CIROZ: variants seen among roughly 807,000 people sequenced by gnomAD.
CIROZ encodes the protein ciliated left-right organizer protein containing ZP-N domains.
chr1:10,949,524 G>T, the CIROZ span: 10 of 1,319,882 alleles, frequency 7.6e-6, no homozygotes, highest in Admixed American at 1.8e-4. Flanking sequence ...GAATGGTGGT[G>T]AAAGAGAAGG....
the CIROZ span, among the ~76,000 whole-genome samples, chr1:10,962,730 A>G: frequency 4.6e-5 from 7 of 152,306 alleles, no homozygotes; most frequent in East Asian, 1.2e-3. Context: ...ATGGGGATCA[A>G]TATAGAACCA....
At chr1:10,947,827 A>G in the CIROZ span, 2 of 1,600,318 alleles carry the variant, frequency 1.2e-6, no homozygotes, top group Admixed American at 3.4e-5. Flanking sequence ...CTGGGTAGCA[A>G]CACTCCTGTG....
At chr1:10,948,349 G>T in the CIROZ span, 5 of 1,613,516 alleles carry the variant, frequency 3.1e-6, no homozygotes, top group South Asian at 2.2e-5. Flanking sequence ...AGTGTGGCCC[G>T]CCAGGGCCTC....
the CIROZ span, among the ~76,000 whole-genome samples, chr1:10,959,645 G>A: frequency 6.6e-6 from 1 of 152,212 alleles, no homozygotes; most frequent in African/African-American, 2.4e-5. The surrounding 1 kb of genome is among the most constrained non-coding windows in gnomAD (Gnocchi z 4.3). Flanking sequence ...AGAGTGGACT[G>A]ACTCATCTTG....
chr1:10,949,741 C>T, the CIROZ span: 5 of 1,588,338 alleles, frequency 3.1e-6, no homozygotes, highest in Non-Finnish European at 4.3e-6. Flanking sequence ...CTGGAGGGGT[C>T]TCTGGTCCTG....
chr1:10,981,909 C>T, the CIROZ span: 1 of 1,428,126 alleles, frequency 7.0e-7, no homozygotes, highest in Non-Finnish European at 9.5e-7. Context: ...CTCTTAGATG[C>T]AAGGCTTCTG....
the CIROZ span, chr1:10,957,517 A>C: frequency 6.6e-7 from 1 of 1,519,752 alleles, no homozygotes; most frequent in Non-Finnish European, 8.8e-7. Flanking sequence ...TCGCAGGTGG[A>C]CATTTGACTT....
At chr1:10,957,577 C>T in the CIROZ span, 350,951 of 1,607,572 alleles carry the variant, frequency 0.22, 42,897 homozygotes, top group South Asian at 0.44. Flanking sequence ...GCCCCAGAGG[C>T]CCCTCACCTC....
chr1:10,954,891 C>G, the CIROZ span: 1 of 1,315,480 alleles, frequency 7.6e-7, no homozygotes, highest in Non-Finnish European at 1.0e-6. Context: ...CTGTGACTGG[C>G]CTACCTTCCA....
chr1:10,953,144 T>G, the CIROZ span, among the ~76,000 whole-genome samples: 3 of 152,216 alleles, frequency 2.0e-5, no homozygotes, highest in African/African-American at 7.2e-5. Flanking sequence ...GCAGTCCCCC[T>G]TTTAATCTTT....
At chr1:10,964,396 G>A in the CIROZ span, 2 of 1,176,736 alleles carry the variant, frequency 1.7e-6, no homozygotes, top group Non-Finnish European at 2.3e-6. Context: ...AGGTGGGCTT[G>A]TGGAAGAGGG....
chr1:10,969,051 C>T, the CIROZ span, among the ~76,000 whole-genome samples: 1 of 152,196 alleles, frequency 6.6e-6, no homozygotes, highest in Non-Finnish European at 1.5e-5. Flanking sequence ...CCCGGGCTGG[C>T]TGGCCAATGG....
chr1:10,981,075 C>T, the CIROZ span, among the ~76,000 whole-genome samples: 1 of 152,252 alleles, frequency 6.6e-6, no homozygotes, highest in African/African-American at 2.4e-5. Context: ...CTTCACTTCC[C>T]ACTCTCAGGA....
chr1:10,967,952 C>T, the CIROZ span, among the ~76,000 whole-genome samples: 3 of 152,118 alleles, frequency 2.0e-5, no homozygotes, highest in Admixed American at 6.5e-5. Flanking sequence ...CCAGCCTGGG[C>T]AACAAAGTGA....
chr1:10,964,350 T>C, the CIROZ span: 1 of 1,472,194 alleles, frequency 6.8e-7, no homozygotes, highest in Non-Finnish European at 9.1e-7. Flanking sequence ...GGTCAGTCCC[T>C]GTTCACAGCA....
At chr1:10,951,851 A>G in the CIROZ span, among the ~76,000 whole-genome samples, 1 of 151,536 alleles carries the variant, frequency 6.6e-6, no homozygotes, top group Non-Finnish European at 1.5e-5. Context: ...TTCAATAATT[A>G]GGATTTGTCC....
chr1:10,969,953 C>T, the CIROZ span: 2 of 1,521,058 alleles, frequency 1.3e-6, no homozygotes, highest in Non-Finnish European at 1.8e-6. Context: ...CCCGCCCAGC[C>T]ACCGACCACC....
chr1:10,949,089 T>C, the CIROZ span: 2 of 355,120 alleles, frequency 5.6e-6, no homozygotes, highest in African/African-American at 2.1e-5. Flanking sequence ...CCAGGTGTGG[T>C]GGCGTGGGCC....
the CIROZ span, chr1:10,954,056 C>G: frequency 6.2e-6 from 10 of 1,613,608 alleles, no homozygotes; most frequent in African/African-American, 1.2e-4. Context: ...TCCAGAGGAC[C>G]GGGGCAGCCA....
Sources: allele counts gnomAD v4.1 joint callset (sites outside exome capture counted in the v4.1 genomes callset), GRCh38; gene constraint gnomAD v4.1.1; non-coding constraint Gnocchi (gnomAD v3.1); transcripts MANE v1.5; gene names NCBI Gene and HGNC (gene_info 2026-07-23, HGNC 2026-07-21).